MTAP: variants seen among roughly 807,000 people sequenced by gnomAD.
MTAP encodes the protein S-methyl-5'-thioadenosine phosphorylase.
MTAP carries 33 observed loss-of-function variants against 33.6 expected under a neutral mutation model. That is an observed-to-expected ratio of 0.98 (90% confidence interval 0.74 to 1.31). The LOEUF (loss-of-function observed/expected upper bound fraction) is 1.31, where lower values mean the gene tolerates loss of function less well. Ranked by LOEUF, MTAP falls within the 40% of genes most tolerant of loss-of-function variation. The pLI, the probability that MTAP is intolerant of heterozygous loss-of-function variation, is 0.00. For missense variants in MTAP, 367 were observed against 360.0 expected, an observed-to-expected ratio of 1.02 and a Z score of -0.16; for synonymous variants, 148 against 125.7, an observed-to-expected ratio of 1.18 and a Z score of -1.19.
intron 1 of MTAP, among the ~76,000 whole-genome samples, chr9:21,911,819 CA>C (rs200047328): frequency 0.018 from 2,793 of 151,858 alleles, 58 homozygotes; most frequent in African/African-American, 0.05. Context: ...AAAAACCCAT[CA>C]AAAAAATCAA....
chr9:21,899,115 C>T (rs1292109784), intron 1 of MTAP, among the ~76,000 whole-genome samples: 1 of 151,446 alleles, frequency 6.6e-6, no homozygotes, highest in African/African-American at 2.4e-5. Context: ...CCATCATTCT[C>T]AGCAAACTAT....
intron 4 of MTAP, among the ~76,000 whole-genome samples, chr9:21,837,562 T>C (rs1415199905): frequency 2.0e-5 from 3 of 152,204 alleles, no homozygotes; most frequent in Non-Finnish European, 4.4e-5. Flanking sequence ...TCCACGTCTG[T>C]GATGATGAAA....
intron 1 of MTAP, 70 bp downstream of exon 1, chr9:21,802,851 C>T: frequency 4.4e-6 from 7 of 1,592,286 alleles, no homozygotes; most frequent in Non-Finnish European, 6.0e-6. Context: ...GCCGGGGGAC[C>T]GCGCCTCCGG....
intron 1 of MTAP, among the ~76,000 whole-genome samples, chr9:21,909,283 T>TA (rs1163084459): frequency 4.6e-5 from 7 of 151,890 alleles, no homozygotes; most frequent in Non-Finnish European, 1.0e-4. Context: ...TTTTAGCATT[T>TA]AAAAAAAATA....
chr9:21,894,026 G>A (rs1191910441), intron 1 of MTAP, among the ~76,000 whole-genome samples: 1 of 151,696 alleles, frequency 6.6e-6, no homozygotes, highest in East Asian at 1.9e-4. Context: ...ACGAAATCCA[G>A]CATTGTATCA....
downstream of MTAP, chr9:21,933,129 G>A (rs1818989277): frequency 6.6e-6 from 1 of 152,188 alleles, no homozygotes; most frequent in Admixed American, 6.6e-5. Context: ...ACTGAGTGTA[G>A]GTATAGAACA....
rs1825802531 is a variant in MTAP, at chr9:21,863,786, T to G, written c.*1772T>G. ...TAAAGAGTTTGTAAAGTCAATGTGT[T>G]TGTTTGTGTCTCTGAGATTGACTTC... is the stretch of plus-strand genomic sequence containing the variant. On this transcript the variant is annotated 3_prime_UTR_variant, in exon 8 of 8. Coordinates refer to ENST00000644715, the MANE Select transcript of MTAP (RefSeq NM_002451.4). The G allele has an allele frequency of 3.0e-6, 3 of 985,792 alleles. No individual in the cohort carries two copies. Among genetic ancestry groups the G allele is most frequent in the Non-Finnish European group, 3.6e-6 (3 of 829,876 alleles). The allele number at this position is 985,792 out of a possible 1,614,324, so 61.1% of individuals were successfully genotyped here.
chr9:21,910,970 G>T (rs894615191), intron 1 of MTAP, among the ~76,000 whole-genome samples: 1 of 152,086 alleles, frequency 6.6e-6, no homozygotes, highest in Non-Finnish European at 1.5e-5. Flanking sequence ...AAAAAGGCAG[G>T]GGTTGCAATC....
At chr9:21,904,919 C>A (rs1238782519) in intron 1 of MTAP, among the ~76,000 whole-genome samples, 1 of 152,182 alleles carries the variant, frequency 6.6e-6, no homozygotes, top group African/African-American at 2.4e-5. Context: ...ATCCTTCTCA[C>A]AGGGTATGTG....
At chr9:21,848,305 G>C (rs1053797502) in intron 5 of MTAP, among the ~76,000 whole-genome samples, 7 of 152,154 alleles carry the variant, frequency 4.6e-5, no homozygotes, top group Non-Finnish European at 1.0e-4. Flanking sequence ...CACTCAAAAA[G>C]AACCGCTTGA....
At chr9:21,817,938 C>A in intron 3 of MTAP, 97 bp from the exon 4 acceptor site, 1 of 1,198,832 alleles carries the variant, frequency 8.3e-7, no homozygotes, top group Non-Finnish European at 1.1e-6. Context: ...AGTCTGTGGT[C>A]ATTGCTAGAG....
rs113732462 is a variant in MTAP at position 21,841,033 on chromosome 9, C to T, written c.450+3023C>T. ...GAGGCAGTCAAGATCTCCTCTGGAA[C>T]ATAAACCCAGTGGCCTGACAAACCA... On this transcript the variant is annotated intron_variant, in intron 5 of 7. Coordinates refer to ENST00000644715, the MANE Select transcript of MTAP (RefSeq NM_002451.4). Among the ~76,000 whole-genome samples the T allele has an allele frequency of 4.2e-3, 632 of 152,252 alleles. 8 individuals carry two copies. Among genetic ancestry groups the T allele is most frequent in the African/African-American group, 0.014 (601 of 41,560 alleles).
downstream of MTAP, among the ~76,000 whole-genome samples, chr9:21,869,440 T>A (rs1430732918): frequency 6.6e-6 from 1 of 152,186 alleles, no homozygotes; most frequent in Admixed American, 6.5e-5. Flanking sequence ...TTGATTTTCT[T>A]CCTTCATTGA....
intron 1 of MTAP, among the ~76,000 whole-genome samples, chr9:21,804,301 G>T (rs571331414): frequency 6.6e-6 from 1 of 152,276 alleles, no homozygotes; most frequent in South Asian, 2.1e-4. Context: ...CCTTATCCTT[G>T]CAGGAATACA....
chr9:21,915,048 C>CT (rs1166612703), intron 1 of MTAP, among the ~76,000 whole-genome samples: 17 of 99,984 alleles, frequency 1.7e-4, no homozygotes, highest in Admixed American at 1.3e-3. Flanking sequence ...TCCTTCCTTC[C>CT]TTCCTTCCTT....
chr9:21,812,259 G>A, intron 1 of MTAP: 2 of 229,030 alleles, frequency 8.7e-6, no homozygotes, highest in South Asian at 7.8e-5. Context: ...ACTCATGGCT[G>A]CAGACACCAG....
At chr9:21,859,475 C>T in intron 7 of MTAP, 50 bp downstream of exon 7, 1 of 1,534,580 alleles carries the variant, frequency 6.5e-7, no homozygotes, top group Non-Finnish European at 8.7e-7. Context: ...TCTCTATTGT[C>T]TTCTTTTCTT....
intron 5 of MTAP, among the ~76,000 whole-genome samples, chr9:21,853,342 A>G (rs1296562437): frequency 6.6e-6 from 1 of 152,176 alleles, no homozygotes; most frequent in African/African-American, 2.4e-5. Context: ...CATTTATAAC[A>G]TATACTTTTT....
intron 4 of MTAP, among the ~76,000 whole-genome samples, chr9:21,836,966 G>T (rs1227995700): frequency 6.6e-6 from 1 of 152,152 alleles, no homozygotes; most frequent in Non-Finnish European, 1.5e-5. Flanking sequence ...ACCTGCCCCT[G>T]TTGGCTTCCC....
Sources: allele counts gnomAD v4.1 joint callset (sites outside exome capture counted in the v4.1 genomes callset), GRCh38; gene constraint gnomAD v4.1.1; transcripts MANE v1.5; gene names NCBI Gene and HGNC (gene_info 2026-07-23, HGNC 2026-07-21).